CCDC175: variants seen among roughly 807,000 people sequenced by gnomAD.
The protein encoded by CCDC175 is coiled-coil domain containing 175, also known as coiled-coil domain-containing protein 175.
Under a neutral mutation model 114.6 loss-of-function variants are expected in CCDC175, and 100 were observed. The ratio of observed to expected loss-of-function variants is 0.87; its 90% CI spans 0.74 to 1.03. The LOEUF is 1.03. Ranked by LOEUF, CCDC175 falls within the 50% of genes least tolerant of loss-of-function variation. CCDC175 has a pLI of 0.00. For synonymous variants in CCDC175, 306 were observed against 308.7 expected (o/e 0.99, Z 0.09); for missense variants, 880 against 917.8 (o/e 0.96, Z 0.53).
Position 59,574,910 on chromosome 14 carries a change from T to C in CCDC175, c.243+33A>G, listed in dbSNP as rs1405348906. The C allele has an allele frequency of 1.3e-5, 15 of 1,141,438 alleles. No homozygotes were observed. The East Asian group carries it at 2.1e-4, about 16-fold the overall frequency. The allele number at this position is 1,141,438 out of a possible 1,614,324, so 70.7% of individuals were successfully genotyped here. A position where few individuals can be genotyped will look rare whatever the true frequency, so the allele number is the denominator to read the frequency against. On this transcript the variant is annotated intron_variant, in intron 2 of 19. Transcript: ENST00000537690. ...AAAGTTTGAAGAAATATGTGGAAGA[T>C]TGAAGAAATGGTTCTTATAGATAAT...
intron 8 of CCDC175, among the ~76,000 whole-genome samples, chr14:59,549,811 A>T (rs1198185018): frequency 6.6e-6 from 1 of 152,192 alleles, no homozygotes; most frequent in Non-Finnish European, 1.5e-5. Flanking sequence ...GATACTAAGG[A>T]TATTTCTCCT....
At chr14:59,523,845 C>T (rs947052040) in intron 16 of CCDC175, among the ~76,000 whole-genome samples, 1 of 151,934 alleles carries the variant, frequency 6.6e-6, no homozygotes, top group African/African-American at 2.4e-5. Flanking sequence ...AAAAATTAGC[C>T]GGGCATGGTG....
intron 11 of CCDC175, among the ~76,000 whole-genome samples, chr14:59,539,443 G>A (rs1406188778): frequency 6.6e-6 from 1 of 152,054 alleles, no homozygotes; most frequent in Non-Finnish European, 1.5e-5. Context: ...AGCCAGGTGT[G>A]GTGGCACAAG....
At chr14:59,530,504 A>G (rs1437397399) in intron 14 of CCDC175, among the ~76,000 whole-genome samples, 1 of 151,952 alleles carries the variant, frequency 6.6e-6, no homozygotes, top group African/African-American at 2.4e-5. Flanking sequence ...AAAATTGGGA[A>G]TAAGAGACAT....
At chr14:59,531,583 T>C (rs2145042) in intron 14 of CCDC175, among the ~76,000 whole-genome samples, 189 bp downstream of exon 14, 68,245 of 151,614 alleles carry the variant, frequency 0.45, 16,248 homozygotes, top group African/African-American at 0.61. Context: ...ACAATAGCAA[T>C]GGTAAGATGG....
At chr14:59,552,110 G>A (rs1895543422) in intron 7 of CCDC175, among the ~76,000 whole-genome samples, 1 of 152,238 alleles carries the variant, frequency 6.6e-6, no homozygotes, top group Non-Finnish European at 1.5e-5. Flanking sequence ...TGACACCTTT[G>A]AAGAGAGTAG....
At chr14:59,539,194 G>C (rs751912729) in intron 11 of CCDC175, among the ~76,000 whole-genome samples, 1 of 152,192 alleles carries the variant, frequency 6.6e-6, no homozygotes, top group Non-Finnish European at 1.5e-5. Flanking sequence ...TAAATTACCG[G>C]ATGTGCTACT....
At chr14:59,549,569 A>G (rs1776799723) in intron 8 of CCDC175, among the ~76,000 whole-genome samples, 1 of 151,672 alleles carries the variant, frequency 6.6e-6, no homozygotes, top group Non-Finnish European at 1.5e-5. Flanking sequence ...AAAGTACAAA[A>G]ATTAGCCAGG....
intron 10 of CCDC175, 98 bp from the exon 11 acceptor site, chr14:59,540,844 T>G (rs1037414968): frequency 2.0e-6 from 2 of 1,015,718 alleles, no homozygotes; most frequent in South Asian, 1.6e-5. Context: ...AAGGCTATAG[T>G]CTAATTGGGA....
In CCDC175 at chr14:59,538,939, C is replaced by G. The variant is rs1459857474; in HGVS notation, c.1356-99G>C. ...CAAAACAAGTCATACTATGACTACACAAAATTGTTTGTGCTATTAGTGTTG... is the reference window on the plus strand; with the variant it reads ...CAAAACAAGTCATACTATGACTACAGAAAATTGTTTGTGCTATTAGTGTTG... On this transcript the variant is annotated intron_variant, in intron 11 of 19. Transcript: ENST00000537690. 39 of 1,124,198 alleles carry G rather than the reference C, an allele frequency of 3.5e-5. No homozygotes were observed. The Admixed American group carries it at 4.6e-4, about 13-fold the overall frequency. 69.6% of individuals were successfully genotyped at this position (1,124,198 alleles called of 1,614,324 possible). A position where few individuals can be genotyped will look rare whatever the true frequency, so the allele number is the denominator to read the frequency against.
intron 14 of CCDC175, among the ~76,000 whole-genome samples, chr14:59,529,048 C>T (rs539227470): frequency 3.9e-4 from 60 of 152,290 alleles, no homozygotes; most frequent in African/African-American, 1.4e-3. Context: ...TTTGTCTGAT[C>T]CCATTTAATA....
At chr14:59,569,288 T>C (rs1319511188) in intron 3 of CCDC175, among the ~76,000 whole-genome samples, 5 of 152,202 alleles carry the variant, frequency 3.3e-5, no homozygotes, top group African/African-American at 1.2e-4. Context: ...TCAAACTTTG[T>C]GTCTCAAATA....
chr14:59,555,728 C>G (rs8004865), intron 7 of CCDC175, among the ~76,000 whole-genome samples: 82,095 of 151,844 alleles, frequency 0.54, 22,881 homozygotes, highest in East Asian at 0.82. Context: ...ATTGTCTCAG[C>G]CCAAAATCTC....
intron 3 of CCDC175, 86 bp downstream of exon 3, chr14:59,572,616 A>T (rs916429890): frequency 1.0e-4 from 69 of 685,126 alleles, no homozygotes; most frequent in Middle Eastern, 6.5e-4. Context: ...TTACATGAGC[A>T]ATAACTATGA....
At chr14:59,568,470 T>A in intron 3 of CCDC175, 90 bp from the exon 4 acceptor site, 3 of 1,018,508 alleles carry the variant, frequency 2.9e-6, no homozygotes, top group Non-Finnish European at 4.1e-6. Context: ...TTCTTTGAAA[T>A]ATTCTTTTAA....
chr14:59,507,054 A>C (rs1300222690), intron 19 of CCDC175, among the ~76,000 whole-genome samples: 1 of 152,224 alleles, frequency 6.6e-6, no homozygotes, highest in Non-Finnish European at 1.5e-5. Flanking sequence ...CTAAGAATTA[A>C]CTTATTTACC....
At chr14:59,564,083 T>C (rs1305103606) in intron 5 of CCDC175, among the ~76,000 whole-genome samples, 1 of 152,160 alleles carries the variant, frequency 6.6e-6, no homozygotes, top group Non-Finnish European at 1.5e-5. Context: ...TTATTGAATA[T>C]TGAAATAGTA....
At chr14:59,529,827 T>C (rs1275828041) in intron 14 of CCDC175, among the ~76,000 whole-genome samples, 1 of 152,188 alleles carries the variant, frequency 6.6e-6, no homozygotes, top group Non-Finnish European at 1.5e-5. Flanking sequence ...GCTTTCTGTG[T>C]ATGGAGCCCA....
At chr14:59,520,803 CAGATCA>C (rs1042515004) in intron 17 of CCDC175, among the ~76,000 whole-genome samples, 7 of 152,086 alleles carry the variant, frequency 4.6e-5, no homozygotes, top group African/African-American at 1.7e-4. Context: ...TGACAGAAAG[CAGATCA>C]ATGGTTTCCA....
Sources: gnomAD v4.1 joint callset for allele counts (sites outside exome capture counted in the v4.1 genomes callset) on GRCh38, gnomAD v4.1.1 for gene constraint, MANE v1.5 for transcripts, NCBI Gene and HGNC (gene_info 2026-07-23, HGNC 2026-07-21) for gene names.